Variants in RAD54L observed in about 807,000 individuals in gnomAD.
RAD54L encodes RAD54 like, also known as DNA repair and recombination protein RAD54-like.
RAD54L carries 74 observed loss-of-function variants against 91.6 expected under a neutral mutation model. That is an observed-to-expected ratio of 0.81 (90% CI 0.67 to 0.98). The LOEUF (loss-of-function observed/expected upper bound fraction) is 0.98, where lower values mean the gene tolerates loss of function less well. RAD54L is among the 50% of genes least tolerant of loss of function. The pLI is 0.00. For missense variants in RAD54L, 887 were observed against 945.7 expected (o/e 0.94, Z 0.81); for synonymous variants, 304 against 349.7 (o/e 0.87, Z 1.46).
chr1:46,261,019 C>A lies in RAD54L; in HGVS notation c.766+4C>A, dbSNP rs200538107. 34 of 1,612,140 alleles carry A rather than the reference C, an allele frequency of 2.1e-5. No homozygotes were observed. The African/African-American group carries it at 3.2e-4, about 15-fold the overall frequency. On this transcript the variant is annotated splice_donor_region_variant and intron_variant, in intron 7 of 17. Coordinates refer to ENST00000371975, the MANE Select transcript of RAD54L (RefSeq NM_003579.4). ...GATGAAATAGACCAAAAGCTGGGTA[C>A]GGAGCCCTAACAAAGATGGCTGCAC...
In RAD54L at chr1:46,260,585, A is replaced by C. The variant is rs2295466; in HGVS notation, c.451A>C (p.Lys151Gln). ...TGTGGTTGTTGACCCTATTCTCAGT[A>C]AGGTTTTGCGGCCTCATCAGAGAGA... ...VHVVVDPILSKVLRPHQREGV... is the reference protein window; with the variant it reads ...VHVVVDPILSQVLRPHQREGV... Residue 151 changes from lysine (K) to glutamine (Q), a missense_variant, in exon 6 of 18, where the codon AAG becomes CAG. Coordinates refer to ENST00000371975, the MANE Select transcript of RAD54L (RefSeq NM_003579.4). 1.2e-6 allele frequency: 2 copies of C among 1,613,894 alleles called. No individual in the cohort carries two copies. Among genetic ancestry groups the C allele is most frequent in the African/African-American group, 2.7e-5 (2 of 74,860 alleles).
chr1:46,277,438 C>G (rs568255399), intron 16 of RAD54L: 31 of 321,020 alleles, frequency 9.7e-5, no homozygotes, highest in African/African-American at 6.4e-4. Context: ...TTTTTGTATG[C>G]TAATGTCAGC....
intron 3 of RAD54L, among the ~76,000 whole-genome samples, chr1:46,253,307 AT>A (rs1320203610): frequency 6.6e-6 from 1 of 152,190 alleles, no homozygotes; most frequent in Non-Finnish European, 1.5e-5. Context: ...ACATCCCTAC[AT>A]TTATATTAAG....
intron 16 of RAD54L, among the ~76,000 whole-genome samples, chr1:46,277,188 C>T (rs555672723): frequency 2.9e-4 from 44 of 152,326 alleles, no homozygotes; most frequent in Non-Finnish European, 5.7e-4. Context: ...ACTCACAGTC[C>T]TCCAATAGGC....
intron 10 of RAD54L, among the ~76,000 whole-genome samples, 189 bp downstream of exon 10, chr1:46,270,974 T>C (rs1157101980): frequency 6.6e-6 from 1 of 152,208 alleles, no homozygotes; most frequent in Non-Finnish European, 1.5e-5. Flanking sequence ...CTTTCTGGCT[T>C]GGGCTCTGTG....
At chr1:46,267,838 C>G (rs960282527) in intron 9 of RAD54L, among the ~76,000 whole-genome samples, 2 of 152,082 alleles carry the variant, frequency 1.3e-5, no homozygotes, top group Non-Finnish European at 2.9e-5. Context: ...GCAGAGGTGG[C>G]AGGGGCTATA....
intron 14 of RAD54L, 51 bp from the exon 15 acceptor site, chr1:46,274,087 T>G (rs757501623): frequency 6.6e-7 from 1 of 1,526,384 alleles, no homozygotes; most frequent in Non-Finnish European, 9.1e-7. Context: ...TAATTTTTTT[T>G]CCCCCTAATC....
chr1:46,249,775 CTCAGT>C (rs1659747944), intron 2 of RAD54L, among the ~76,000 whole-genome samples: 1 of 152,166 alleles, frequency 6.6e-6, no homozygotes, highest in African/African-American at 2.4e-5. Context: ...CATTGCCCCG[CTCAGT>C]TTAGGCAGGT....
intron 3 of RAD54L, 152 bp downstream of exon 3, chr1:46,250,271 C>A: frequency 9.1e-7 from 1 of 1,099,846 alleles, no homozygotes; most frequent in Non-Finnish European, 1.4e-6. Flanking sequence ...GCTGCTGGGG[C>A]CTGCTTAGAG....
intron 9 of RAD54L, among the ~76,000 whole-genome samples, chr1:46,269,508 A>G (rs549991312): frequency 3.3e-5 from 5 of 151,872 alleles, no homozygotes; most frequent in Admixed American, 2.0e-4. Flanking sequence ...GGGTTTTGCC[A>G]TGTTGCCCAG....
intron 16 of RAD54L, among the ~76,000 whole-genome samples, chr1:46,276,385 G>T (rs1197182249): frequency 6.6e-6 from 1 of 151,934 alleles, no homozygotes; most frequent in Non-Finnish European, 1.5e-5. Flanking sequence ...GGCTGGTCTC[G>T]AACATCTGGA....
chr1:46,265,747 A>T lies in RAD54L; in HGVS notation c.892-1712A>T, dbSNP rs1660250130. On this transcript the variant is annotated intron_variant, in intron 8 of 17. Transcript: ENST00000371975. The surrounding 1 kb of genome is among the most constrained non-coding windows in gnomAD (Gnocchi z 4.8). ...AGAAGATAAAGTACAGTAGAGTGTG[A>T]TTAGTACTCTAGTATATATATTATG... 6.6e-6 allele frequency among the ~76,000 whole-genome samples: 1 copy of T among 152,184 alleles called. No individual in the cohort carries two copies. Among genetic ancestry groups the T allele is most frequent in the South Asian group, 2.1e-4 (1 of 4,834 alleles).
rs1381089578 is a variant in RAD54L, at chr1:46,278,154, T to TGGAAC, written c.2117_2121dup (p.His708GlyfsTer50). The TGGAAC allele has an allele frequency of 6.2e-7, 1 of 1,613,670 alleles. No homozygotes were observed. The highest frequency in any genetic ancestry group is 1.3e-5 in the African/African-American group (1 of 75,036). On this transcript the variant is annotated frameshift_variant, in exon 18 of 18. Transcript: ENST00000371975. LOFTEE classifies it high-confidence loss of function. ...TGACTGCACTTCAGACCTGGCAGGG[T>TGGAAC]GGAACCACTGCACTGATAAGTGGGG...
chr1:46,267,371 TTTTTGACTCC>T, intron 8 of RAD54L, 78 bp from the exon 9 acceptor site: 2 of 1,587,020 alleles, frequency 1.3e-6, no homozygotes, highest in Non-Finnish European at 1.7e-6. Context: ...GCCTGGAATG[TTTTTGACTCC>T]TCTTTTCCTG....
At chr1:46,262,428 A>T (rs905889958) in intron 8 of RAD54L, among the ~76,000 whole-genome samples, 5 of 152,064 alleles carry the variant, frequency 3.3e-5, no homozygotes, top group African/African-American at 1.2e-4. Flanking sequence ...ATAAAAACCA[A>T]AAAACACACA....
intron 10 of RAD54L, 29 bp from the exon 11 acceptor site, chr1:46,272,437 C>T (rs755251928): frequency 1.3e-6 from 2 of 1,556,800 alleles, no homozygotes; most frequent in Non-Finnish European, 1.8e-6. Context: ...TTTTACCAGC[C>T]TCTTGCCTTT....
intron 9 of RAD54L, among the ~76,000 whole-genome samples, chr1:46,269,367 G>T (rs1161048971): frequency 6.7e-6 from 1 of 150,022 alleles, no homozygotes; most frequent in Non-Finnish European, 1.5e-5. Context: ...GGAATGCAGT[G>T]GTGAGATCAT....
chr1:46,261,298 TC>T lies in RAD54L; in HGVS notation c.807del (p.Ile270SerfsTer46). ...ACCAGCGTGGAGCCAGGGTGTCTTC[TC>T]CCATCCTCATCATTTCCTATGAGAC... ...MNQRGARVSS[P>X]ILIISYETFR... On this transcript the variant is annotated frameshift_variant, in exon 8 of 18. Transcript: ENST00000371975. LOFTEE classifies it high-confidence loss of function. The T allele has an allele frequency of 6.2e-7, 1 of 1,613,786 alleles. No homozygotes were observed. The highest frequency in any genetic ancestry group is 1.1e-5 in the South Asian group (1 of 91,060).
At chr1:46,264,126 C>G (rs1417427156) in intron 8 of RAD54L, among the ~76,000 whole-genome samples, 1 of 152,096 alleles carries the variant, frequency 6.6e-6, no homozygotes, top group Non-Finnish European at 1.5e-5. Context: ...TTTTTCTTCC[C>G]CACTCTGTCC....
Sources: allele counts gnomAD v4.1 joint callset (sites outside exome capture counted in the v4.1 genomes callset), GRCh38; gene constraint gnomAD v4.1.1; non-coding constraint Gnocchi (gnomAD v3.1); transcripts MANE v1.5; gene names NCBI Gene and HGNC (gene_info 2026-07-23, HGNC 2026-07-21).